The following SLC22A25 variants were observed in gnomAD, a reference collection of about 807,000 sequenced individuals.
SLC22A25 encodes the protein MGI:2442751, MGI:2385316, MGI:3042283, MGI:3645714, MGI:3605624, MGI:2442750.
Under a neutral mutation model 45.9 loss-of-function variants are expected in SLC22A25, and 44 were observed. That is an observed-to-expected ratio of 0.96 (90% CI 0.75 to 1.23). The LOEUF (loss-of-function observed/expected upper bound fraction) is 1.23, where lower values mean the gene tolerates loss of function less well. Ranked by LOEUF, SLC22A25 falls within the 50% of genes most tolerant of loss-of-function variation. The pLI, the probability that SLC22A25 is intolerant of heterozygous loss-of-function variation, is 0.00. For synonymous variants in SLC22A25, 283 were observed against 238.6 expected (o/e 1.19, Z -1.72); for missense variants, 800 against 666.4 (o/e 1.20, Z -2.21).
chr11:63,188,660 C>G (rs1283763611), intron 7 of SLC22A25, among the ~76,000 whole-genome samples: 1 of 152,144 alleles, frequency 6.6e-6, no homozygotes, highest in South Asian at 2.1e-4. Context: ...TTGGATCTTT[C>G]CTGCTTTCTC....
At chr11:63,164,132 A>G (rs1029701503) in intron 11 of SLC22A25, 59 bp from the exon 12 acceptor site, 12 of 1,520,258 alleles carry the variant, frequency 7.9e-6, no homozygotes, top group African/African-American at 1.4e-5. Context: ...ATAATTTGTG[A>G]TTTATCATTT....
chr11:63,237,004 G>C (rs577737285), intron 3 of SLC22A25, among the ~76,000 whole-genome samples: 10 of 152,220 alleles, frequency 6.6e-5, no homozygotes, highest in Non-Finnish European at 1.0e-4. Context: ...AGTTCTCATA[G>C]GTAACTTCTA....
chr11:63,195,496 G>T (rs980175546), intron 7 of SLC22A25, among the ~76,000 whole-genome samples: 3 of 152,276 alleles, frequency 2.0e-5, no homozygotes, highest in South Asian at 2.1e-4. Flanking sequence ...ACCTGCTCCT[G>T]AATGACTACC....
At chr11:63,242,265 TA>T (rs890070296) in intron 1 of SLC22A25, among the ~76,000 whole-genome samples, 2 of 152,102 alleles carry the variant, frequency 1.3e-5, no homozygotes, top group Non-Finnish European at 2.9e-5. Context: ...AACTTTAATA[TA>T]AAAGGAAGGA....
intron 1 of SLC22A25, among the ~76,000 whole-genome samples, chr11:63,240,852 C>T (rs1303952923): frequency 6.6e-6 from 1 of 152,118 alleles, no homozygotes; most frequent in Admixed American, 6.6e-5. Flanking sequence ...AATGGTACTC[C>T]CATCCAACCT....
At chr11:63,230,717 T>C (rs1414369322) in intron 3 of SLC22A25, among the ~76,000 whole-genome samples, 1 of 152,236 alleles carries the variant, frequency 6.6e-6, no homozygotes, top group Non-Finnish European at 1.5e-5. Flanking sequence ...TTGTTACATA[T>C]GTATACGTGT....
rs759942967 is a variant in SLC22A25, at chr11:63,174,999, C to T, written c.1070+5661G>A. Among the ~76,000 whole-genome samples, 12 of 152,170 alleles carry T rather than the reference C, an allele frequency of 7.9e-5. No homozygotes were observed. In the East Asian group the frequency reaches 1.5e-3, roughly 20 times the overall value. ...GCTGACTAATATTCCATCATGAGTACGTACCACATTTTACTTATCCATATG... is the reference window on the plus strand; with the variant it reads ...GCTGACTAATATTCCATCATGAGTATGTACCACATTTTACTTATCCATATG... On this transcript the variant is annotated intron_variant, in intron 9 of 11. Transcript: ENST00000306494.
chr11:63,229,250 C>G lies in SLC22A25; in HGVS notation c.402+1G>C, dbSNP rs2090022284. 4 of 1,522,706 alleles carry G rather than the reference C, an allele frequency of 2.6e-6. No homozygotes were observed. Among genetic ancestry groups the G allele is most frequent in the Non-Finnish European group, 3.5e-6 (4 of 1,133,164 alleles). The allele number at this position is 1,522,706 out of a possible 1,614,324, so 94.3% of individuals were successfully genotyped here. On this transcript the variant is annotated splice_donor_variant, in intron 4 of 11. Transcript: ENST00000306494. LOFTEE classifies it high-confidence loss of function. ...CAAGAGAGGAAAATGAGGCCTCTTA[C>G]CTTAGTCACAATGGTGGAAGGGAAG...
At chr11:63,214,358 A>G (rs1023261730) in intron 7 of SLC22A25, among the ~76,000 whole-genome samples, 20 of 152,246 alleles carry the variant, frequency 1.3e-4, no homozygotes, top group Admixed American at 6.5e-5. Context: ...GGTGCTTTCT[A>G]TTAACACTTT....
At chr11:63,223,392 T>C (rs1033084850) in intron 5 of SLC22A25, among the ~76,000 whole-genome samples, 6 of 152,114 alleles carry the variant, frequency 3.9e-5, no homozygotes, top group African/African-American at 1.2e-4. Flanking sequence ...TTCTTGTATA[T>C]TTTCCAATTT....
At chr11:63,193,877 G>A (rs901125821) in intron 7 of SLC22A25, among the ~76,000 whole-genome samples, 1 of 152,136 alleles carries the variant, frequency 6.6e-6, no homozygotes, top group Non-Finnish European at 1.5e-5. Context: ...AGCTAAAGGG[G>A]GATGTTCAAA....
chr11:63,235,220 A>G (rs2090142983), intron 3 of SLC22A25, among the ~76,000 whole-genome samples: 2 of 152,180 alleles, frequency 1.3e-5, no homozygotes, highest in Admixed American at 6.5e-5. Flanking sequence ...GTTCTCCTGG[A>G]TAATTTCCTG....
rs535452879 is a variant in SLC22A25, at chr11:63,238,258, G to C, written c.-576-246C>G. Among the ~76,000 whole-genome samples the C allele has an allele frequency of 2.0e-5, 3 of 152,274 alleles. No homozygotes were observed. The East Asian group carries it at 5.8e-4, about 29-fold the overall frequency. On this transcript the variant is annotated intron_variant, in intron 2 of 11. Transcript: ENST00000306494. Reference sequence around the variant, plus strand: ...AACAACCACTTTTGCTCCATACTAAGTGTGGTTCTCAAATTTTGCCATAGA... The same window carrying C: ...AACAACCACTTTTGCTCCATACTAACTGTGGTTCTCAAATTTTGCCATAGA...
intron 7 of SLC22A25, among the ~76,000 whole-genome samples, chr11:63,193,716 C>G (rs980738297): frequency 1.3e-5 from 2 of 152,208 alleles, no homozygotes; most frequent in Admixed American, 6.5e-5. Flanking sequence ...GAAACAAGAG[C>G]AGAAAAGCTG....
chr11:63,212,880 A>G (rs2089613427), intron 7 of SLC22A25, among the ~76,000 whole-genome samples: 1 of 152,066 alleles, frequency 6.6e-6, no homozygotes, highest in African/African-American at 2.4e-5. Context: ...CCTAGTGACA[A>G]TTGTGTGCTA....
At chr11:63,200,126 GA>G (rs1446971643) in intron 7 of SLC22A25, among the ~76,000 whole-genome samples, 1 of 151,732 alleles carries the variant, frequency 6.6e-6, no homozygotes, top group East Asian at 1.9e-4. Context: ...AAAAATTGAG[GA>G]GTAGAAACTC....
At position 63,224,665 on chromosome 11, in the gene SLC22A25, C is replaced by T. The variant is rs141104762; in HGVS notation, c.506+3796G>A. 1.4e-3 allele frequency among the ~76,000 whole-genome samples: 213 copies of T among 152,268 alleles called. 3 individuals are homozygous for T. The East Asian group carries it at 0.036, about 26-fold the overall frequency. On this transcript the variant is annotated intron_variant, in intron 5 of 11. Coordinates refer to ENST00000306494, the MANE Select transcript of SLC22A25 (RefSeq NM_199352.6). ...ATATCTTATAACTCATTATTTTAAA[C>T]TGATAGTTAATAGAGATTGCATAAA...
At chr11:63,189,419 A>T (rs1248087427) in intron 7 of SLC22A25, among the ~76,000 whole-genome samples, 1 of 151,766 alleles carries the variant, frequency 6.6e-6, no homozygotes, top group African/African-American at 2.4e-5. Flanking sequence ...CCATCCCTTT[A>T]TTTTGAGCCT....
intron 5 of SLC22A25, chr11:63,218,126 C>T (rs778893071): frequency 3.5e-5 from 16 of 462,156 alleles, no homozygotes; most frequent in South Asian, 2.3e-4. Flanking sequence ...ATGGAATAAC[C>T]TCAATGCCCA....
Sources: gnomAD v4.1 joint callset for allele counts (sites outside exome capture counted in the v4.1 genomes callset) on GRCh38, gnomAD v4.1.1 for gene constraint, MANE v1.5 for transcripts, NCBI Gene and HGNC (gene_info 2026-07-23, HGNC 2026-07-21) for gene names.